Variants in COG5 observed in about 807,000 individuals in gnomAD.
The protein encoded by COG5 is component of oligomeric golgi complex 5, also known as conserved oligomeric Golgi complex subunit 5.
A neutral mutation model predicts 110.4 loss-of-function variants in COG5; 86 were observed. The ratio of observed to expected loss-of-function variants is 0.78; its 90% CI spans 0.65 to 0.93. The LOEUF (loss-of-function observed/expected upper bound fraction) is 0.93. COG5 is among the 40% of genes least tolerant of loss of function. The pLI is 0.00. For synonymous variants in COG5, 360 were observed against 334.6 expected (o/e 1.08, Z -0.83); for missense variants, 1,077 against 987.0 (o/e 1.09, Z -1.22).
At chr7:107,563,399 T>A in intron 1 of COG5, 1 of 310,102 alleles carries the variant, frequency 3.2e-6, no homozygotes, top group Non-Finnish European at 6.3e-6. Flanking sequence ...CCTATTTCAT[T>A]ATGCGTCTGC....
At chr7:107,542,254 C>T (rs1030622378) in intron 5 of COG5, among the ~76,000 whole-genome samples, 2 of 152,100 alleles carry the variant, frequency 1.3e-5, no homozygotes, top group Non-Finnish European at 2.9e-5. Flanking sequence ...CTGAAACACA[C>T]ATAATAGATG....
At chr7:107,453,726 G>T (rs1795494243) in intron 6 of COG5, among the ~76,000 whole-genome samples, 1 of 152,120 alleles carries the variant, frequency 6.6e-6, no homozygotes, top group African/African-American at 2.4e-5. Context: ...CACAGATTTT[G>T]ATTCTACTAG....
At chr7:107,336,363 G>A (rs937448919) in intron 10 of COG5, among the ~76,000 whole-genome samples, 1 of 152,114 alleles carries the variant, frequency 6.6e-6, no homozygotes, top group African/African-American at 2.4e-5. Context: ...ATAGTGAGTA[G>A]ACTGGTGGTT....
chr7:107,307,258 T>C (rs1807807039), intron 11 of COG5, among the ~76,000 whole-genome samples: 1 of 152,188 alleles, frequency 6.6e-6, no homozygotes, highest in Non-Finnish European at 1.5e-5. Context: ...TCTCATTTGA[T>C]TTCTGTTGAT....
At chr7:107,260,567 CTG>C (rs1301299971) in intron 14 of COG5, among the ~76,000 whole-genome samples, 1 of 152,216 alleles carries the variant, frequency 6.6e-6, no homozygotes, top group African/African-American at 2.4e-5. Flanking sequence ...CTTAATAAAA[CTG>C]TTTTTTAAGA....
chr7:107,490,434 T>C (rs991038953), intron 6 of COG5, among the ~76,000 whole-genome samples: 4 of 152,164 alleles, frequency 2.6e-5, no homozygotes, highest in African/African-American at 4.8e-5. Context: ...TCTTTTTTTT[T>C]CCAAGAAAAG....
At chr7:107,387,832 T>TA (rs1790321348) in intron 7 of COG5, among the ~76,000 whole-genome samples, 1 of 152,240 alleles carries the variant, frequency 6.6e-6, no homozygotes, top group Non-Finnish European at 1.5e-5. Context: ...TGACTCAGCT[T>TA]ACTCTGTTTA....
chr7:107,532,077 A>G (rs1189865574), intron 5 of COG5, among the ~76,000 whole-genome samples: 1 of 152,034 alleles, frequency 6.6e-6, no homozygotes, highest in Admixed American at 6.5e-5. Context: ...TCTTTTTTTG[A>G]GACGGTTTCG....
chr7:107,212,904 C>T (rs1334621091), intron 19 of COG5, among the ~76,000 whole-genome samples: 4 of 152,188 alleles, frequency 2.6e-5, no homozygotes, highest in Non-Finnish European at 5.9e-5. Flanking sequence ...CCTAAGCCCA[C>T]GTTTTCTACA....
At chr7:107,484,071 A>G (rs1243718236) in intron 6 of COG5, among the ~76,000 whole-genome samples, 1 of 152,082 alleles carries the variant, frequency 6.6e-6, no homozygotes, top group Non-Finnish European at 1.5e-5. Context: ...ATAATATAAA[A>G]TAACTTTAGC....
intron 14 of COG5, among the ~76,000 whole-genome samples, chr7:107,272,498 T>A (rs972687608): frequency 1.3e-5 from 2 of 152,210 alleles, no homozygotes; most frequent in East Asian, 3.8e-4. Flanking sequence ...CTGCAAGTCC[T>A]CAACCTTGGC....
At chr7:107,251,682 A>C (rs1002241738) in intron 16 of COG5, among the ~76,000 whole-genome samples, 1 of 152,208 alleles carries the variant, frequency 6.6e-6, no homozygotes, top group African/African-American at 2.4e-5. Flanking sequence ...TGAAGATACA[A>C]GTATAACACA....
chr7:107,225,032 C>CTG (rs149525296), intron 19 of COG5, among the ~76,000 whole-genome samples: 14 of 152,288 alleles, frequency 9.2e-5, no homozygotes, highest in Non-Finnish European at 2.1e-4. Flanking sequence ...CTACTAAGGC[C>CTG]TGTGTGTGTG....
intron 7 of COG5, among the ~76,000 whole-genome samples, chr7:107,406,090 A>G (rs1443026114): frequency 2.0e-5 from 3 of 152,246 alleles, no homozygotes; most frequent in African/African-American, 7.2e-5. Flanking sequence ...GTTACTTTAT[A>G]CATCTAAATA....
intron 7 of COG5, among the ~76,000 whole-genome samples, chr7:107,406,442 T>C (rs1791843059): frequency 6.6e-6 from 1 of 152,164 alleles, no homozygotes; most frequent in South Asian, 2.1e-4. Context: ...AACAAAACTA[T>C]CAATATTTAA....
chr7:107,324,147 C>T (rs925962237), intron 11 of COG5, among the ~76,000 whole-genome samples: 6 of 151,996 alleles, frequency 3.9e-5, no homozygotes, highest in Admixed American at 3.3e-4. Flanking sequence ...ACACACTCTA[C>T]GTAGGAAAAA....
At chr7:107,450,656 A>G (rs1166748601) in intron 6 of COG5, among the ~76,000 whole-genome samples, 1 of 152,202 alleles carries the variant, frequency 6.6e-6, no homozygotes, top group African/African-American at 2.4e-5. Context: ...GCTCCATTGT[A>G]TTGTGCAAAT....
At chr7:107,273,306 G>A (rs957279245) in intron 14 of COG5, among the ~76,000 whole-genome samples, 1 of 152,208 alleles carries the variant, frequency 6.6e-6, no homozygotes, top group Non-Finnish European at 1.5e-5. Flanking sequence ...TATCTTTAAT[G>A]TGATATGTAT....
In COG5 at chr7:107,409,393, A is replaced by ACTGAAAGTAATCTACTTTCAGTAGATTC. The variant is rs1277342929; in HGVS notation, c.669+3081_669+3108dup. On this transcript the variant is annotated intron_variant, in intron 7 of 21. Coordinates refer to ENST00000297135, the MANE Select transcript of COG5 (RefSeq NM_006348.5). ...TCACCCAGCAGTCACCCAGTAGATT[A>ACTGAAAGTAATCTACTTTCAGTAGATTC]CTGAAAGTAATCTACTTTCAGTAGA... Among the ~76,000 whole-genome samples, 579 of 152,106 alleles carry ACTGAAAGTAATCTACTTTCAGTAGATTC rather than the reference A, an allele frequency of 3.8e-3. 6 individuals are homozygous for ACTGAAAGTAATCTACTTTCAGTAGATTC. Among genetic ancestry groups the ACTGAAAGTAATCTACTTTCAGTAGATTC allele is most frequent in the African/African-American group, 0.012 (492 of 41,518 alleles).
Sources: gnomAD v4.1 joint callset for allele counts (sites outside exome capture counted in the v4.1 genomes callset) on GRCh38, gnomAD v4.1.1 for gene constraint, MANE v1.5 for transcripts, NCBI Gene and HGNC (gene_info 2026-07-23, HGNC 2026-07-21) for gene names.